The following RPS6KC1 variants were observed in gnomAD, a reference collection of about 807,000 sequenced individuals.
RPS6KC1 encodes the protein inactive ribosomal protein S6 kinase delta-1.
A neutral mutation model predicts 103.8 loss-of-function variants in RPS6KC1; 54 were observed. The observed-to-expected ratio is 0.52, with a 90% CI of 0.42 to 0.65. The LOEUF (loss-of-function observed/expected upper bound fraction) is 0.65, where lower values mean the gene tolerates loss of function less well. RPS6KC1 is among the 30% of genes least tolerant of loss of function. The pLI is 0.00. For synonymous variants in RPS6KC1, 439 were observed against 438.7 expected, an observed-to-expected ratio of 1.00 and a Z score of -0.01; for missense variants, 1,151 against 1,253.8, an observed-to-expected ratio of 0.92 and a Z score of 1.24.
At chr1:213,595,204 T>A in the RPS6KC1 span, among the ~76,000 whole-genome samples, 9 of 152,176 alleles carry the variant, frequency 5.9e-5, no homozygotes, top group Admixed American at 5.9e-4. Context: ...TCTGTATTAT[T>A]CACAATGACA....
the RPS6KC1 span, among the ~76,000 whole-genome samples, chr1:213,580,337 T>C: frequency 7.7e-4 from 117 of 152,212 alleles, no homozygotes; most frequent in African/African-American, 2.5e-3. Flanking sequence ...TGCTGCAATC[T>C]TATGATAAAA....
At chr1:213,818,583 G>T in the RPS6KC1 span, 3 of 152,084 alleles carry the variant, frequency 2.0e-5, no homozygotes, top group East Asian at 1.9e-4. Context: ...AGGTATGTCT[G>T]TATAGACTTC....
chr1:213,845,222 G>A, the RPS6KC1 span, among the ~76,000 whole-genome samples: 1 of 152,210 alleles, frequency 6.6e-6, no homozygotes, highest in Non-Finnish European at 1.5e-5. Flanking sequence ...TGTCACCCAA[G>A]TGATTGGTTT....
chr1:213,416,721 C>T, the RPS6KC1 span, among the ~76,000 whole-genome samples: 321 of 152,250 alleles, frequency 2.1e-3, 2 homozygotes, highest in African/African-American at 6.8e-3. Context: ...CTATGCTGGG[C>T]GAGGGCCTGA....
At chr1:213,257,183 G>A (rs9430120) in intron 12 of RPS6KC1, among the ~76,000 whole-genome samples, 40,752 of 152,064 alleles carry the variant, frequency 0.27, 6,348 homozygotes, top group East Asian at 0.4. Flanking sequence ...ATTTCATCTG[G>A]GGTGCGTGTT....
At chr1:213,706,468 A>G in the RPS6KC1 span, among the ~76,000 whole-genome samples, 1 of 152,198 alleles carries the variant, frequency 6.6e-6, no homozygotes, top group Non-Finnish European at 1.5e-5. Flanking sequence ...TCAGTGATTT[A>G]AGACTGTTTT....
chr1:213,201,827 T>G (rs923597861), intron 8 of RPS6KC1, among the ~76,000 whole-genome samples: 11 of 152,236 alleles, frequency 7.2e-5, no homozygotes, highest in Non-Finnish European at 1.2e-4. Flanking sequence ...ATAGTGTGCC[T>G]TCATCTAAAA....
chr1:213,573,837 C>T, the RPS6KC1 span, among the ~76,000 whole-genome samples: 1 of 152,156 alleles, frequency 6.6e-6, no homozygotes, highest in Non-Finnish European at 1.5e-5. Context: ...AGGCTCTATG[C>T]CACAAACTCT....
the RPS6KC1 span, among the ~76,000 whole-genome samples, chr1:213,424,765 G>T: frequency 1.3e-5 from 2 of 152,342 alleles, no homozygotes; most frequent in South Asian, 4.1e-4. Flanking sequence ...AAGTCCTTTT[G>T]TAGGCCCAAA....
chr1:213,146,668 G>C (rs1228882966), intron 6 of RPS6KC1, among the ~76,000 whole-genome samples: 1 of 151,800 alleles, frequency 6.6e-6, no homozygotes, highest in African/African-American at 2.4e-5. Context: ...CTTGTGATCT[G>C]CCCACGTCGG....
At chr1:213,607,970 C>T in the RPS6KC1 span, among the ~76,000 whole-genome samples, 1 of 152,160 alleles carries the variant, frequency 6.6e-6, no homozygotes, top group Non-Finnish European at 1.5e-5. Context: ...GACAGGAGAA[C>T]GCTGTGGCTG....
At chr1:213,490,832 TAG>T in the RPS6KC1 span, among the ~76,000 whole-genome samples, 1 of 152,160 alleles carries the variant, frequency 6.6e-6, no homozygotes, top group African/African-American at 2.4e-5. Context: ...GAGTGTTCTC[TAG>T]AGAGGGGAAG....
chr1:213,507,692 A>G, the RPS6KC1 span, among the ~76,000 whole-genome samples: 3 of 152,124 alleles, frequency 2.0e-5, no homozygotes, highest in African/African-American at 7.2e-5. Flanking sequence ...TTGATCAAAC[A>G]CATTGCACAA....
At chr1:213,718,155 A>G in the RPS6KC1 span, among the ~76,000 whole-genome samples, 1 of 152,198 alleles carries the variant, frequency 6.6e-6, no homozygotes, top group Non-Finnish European at 1.5e-5. Flanking sequence ...GAGCTTAATT[A>G]CCTATTTCTC....
the RPS6KC1 span, among the ~76,000 whole-genome samples, chr1:213,444,688 G>C: frequency 1.5e-5 from 2 of 134,290 alleles, no homozygotes; most frequent in Non-Finnish European, 3.0e-5. Context: ...ACCTGGGAGC[G>C]AGCTGATATC....
the RPS6KC1 span, among the ~76,000 whole-genome samples, chr1:213,281,268 G>T: frequency 2.0e-5 from 3 of 152,176 alleles, no homozygotes; most frequent in Non-Finnish European, 4.4e-5. Flanking sequence ...CAAGTGTAAG[G>T]CTCCGAGTAA....
chr1:213,158,215 T>C (rs888762549), intron 6 of RPS6KC1, among the ~76,000 whole-genome samples: 2 of 152,252 alleles, frequency 1.3e-5, no homozygotes, highest in Non-Finnish European at 2.9e-5. Flanking sequence ...GTTAAATACA[T>C]TTGTAGCTGT....
At chr1:213,300,807 C>T in the RPS6KC1 span, among the ~76,000 whole-genome samples, 6 of 152,182 alleles carry the variant, frequency 3.9e-5, no homozygotes, top group South Asian at 2.1e-4. Context: ...TTTAAATGTT[C>T]GCCAAATATC....
the RPS6KC1 span, among the ~76,000 whole-genome samples, chr1:213,708,293 T>C: frequency 6.6e-6 from 1 of 152,172 alleles, no homozygotes; most frequent in Non-Finnish European, 1.5e-5. Flanking sequence ...TTTATCCTCT[T>C]TGTAGCAATT....
Sources: allele counts gnomAD v4.1 joint callset (sites outside exome capture counted in the v4.1 genomes callset), GRCh38; gene constraint gnomAD v4.1.1; transcripts MANE v1.5; gene names NCBI Gene and HGNC (gene_info 2026-07-23, HGNC 2026-07-21).